Variants in TIPIN observed in about 807,000 individuals in gnomAD.
The protein encoded by TIPIN is TIMELESS interacting protein, also known as TIMELESS-interacting protein.
Under a neutral mutation model 35.6 loss-of-function variants are expected in TIPIN, and 29 were observed. That is an observed-to-expected ratio of 0.82 (90% CI 0.61 to 1.11). The LOEUF (loss-of-function observed/expected upper bound fraction) is 1.11, where lower values mean the gene tolerates loss of function less well. Among genes scored for constraint, TIPIN ranks in the 50% most tolerant of loss-of-function variants. The pLI, the probability that TIPIN is intolerant of heterozygous loss-of-function variation, is 0.00. For synonymous variants in TIPIN, 102 were observed against 121.5 expected (o/e 0.84, Z 1.06); for missense variants, 296 against 345.4 (o/e 0.86, Z 1.13).
At chr15:66,346,952 C>T (rs558972368) in intron 6 of TIPIN, among the ~76,000 whole-genome samples, 4 of 152,086 alleles carry the variant, frequency 2.6e-5, no homozygotes, top group Admixed American at 1.3e-4. Context: ...CCACCACACC[C>T]GGCTAATTTT....
intron 1 of TIPIN, among the ~76,000 whole-genome samples, chr15:66,377,275 T>C (rs932699288): frequency 3.9e-5 from 6 of 152,232 alleles, no homozygotes; most frequent in Non-Finnish European, 8.8e-5. Flanking sequence ...TATGACTTTA[T>C]CTGTGAACTA....
intron 1 of TIPIN, among the ~76,000 whole-genome samples, chr15:66,367,250 A>ATATC (rs1566983221): frequency 1.6e-4 from 13 of 81,186 alleles, no homozygotes; most frequent in South Asian, 1.0e-3. Flanking sequence ...ATATCTATCT[A>ATATC]TATATCTATA....
chr15:66,344,995 C>T (rs1410422602), intron 6 of TIPIN, among the ~76,000 whole-genome samples: 2 of 152,146 alleles, frequency 1.3e-5, no homozygotes, highest in Non-Finnish European at 2.9e-5. Context: ...CAGTGTGTTA[C>T]AGGATGCCGT....
upstream of TIPIN, among the ~76,000 whole-genome samples, chr15:66,358,162 G>GT (rs1041893287): frequency 8.5e-5 from 13 of 152,074 alleles, no homozygotes; most frequent in African/African-American, 3.1e-4. Flanking sequence ...AAATATATTT[G>GT]TATTTGTTTG....
At chr15:66,337,879 CAAAA>C (rs199639209) in intron 7 of TIPIN, among the ~76,000 whole-genome samples, 1 of 144,224 alleles carries the variant, frequency 6.9e-6, no homozygotes. Context: ...CAAAAAAAAA[CAAAA>C]AAAAAGCAAA....
chr15:66,352,978 T>A (rs1369170614), intron 1 of TIPIN, 23 bp from the exon 2 acceptor site: 6 of 1,603,012 alleles, frequency 3.7e-6, no homozygotes, highest in Non-Finnish European at 4.3e-6. Context: ...ATTAAAGTTA[T>A]TTGTATTCAT....
rs537872646 is a variant in TIPIN, at chr15:66,356,656, G to A, written c.-26C>T. 10 of 985,784 alleles carry A rather than the reference G, an allele frequency of 1.0e-5. No individual in the cohort carries two copies. The South Asian group carries it at 1.4e-4, about 14-fold the overall frequency. The allele number at this position is 985,784 out of a possible 1,614,324, so 61.1% of individuals were successfully genotyped here. ...GCTCTCACCTCACGCAGAAAACACG[G>A]GACACAGCGCGGACCTCGGCGTGCA... is the stretch of plus-strand genomic sequence containing the variant. On this transcript the variant is annotated 5_prime_UTR_variant, in exon 1 of 8. Transcript: ENST00000261881.
rs144850879 is a variant in TIPIN, at chr15:66,336,961, T to C, written c.903A>G (p.Arg301=). 6.7e-5 allele frequency: 107 copies of C among 1,608,940 alleles called. No individual in the cohort carries two copies. The highest frequency in any genetic ancestry group is 1.8e-4 in the Middle Eastern group (1 of 5,440). The part of the protein sequence containing the change: ...DATSRNITEA[R] ...TACATTTTCTCTTAATGGAAACTTATCTAGCTTCAGTAATATTTCTGGATG... is the reference window on the plus strand; with the variant it reads ...TACATTTTCTCTTAATGGAAACTTACCTAGCTTCAGTAATATTTCTGGATG... Residue 301 remains arginine, a synonymous_variant, in exon 8 of 8, where the codon AGA becomes AGG. Transcript: ENST00000261881.
chr15:66,342,786 T>C lies in TIPIN; in HGVS notation c.476-1430A>G, dbSNP rs565899412. Reference sequence around the variant, plus strand: ...CAAATTAATTTCTTTTTAAATTCAGTGTGCTCTACATTATAAGTAATACAT... The same window carrying C: ...CAAATTAATTTCTTTTTAAATTCAGCGTGCTCTACATTATAAGTAATACAT... On this transcript the variant is annotated intron_variant, in intron 6 of 7. Coordinates refer to ENST00000261881, the MANE Select transcript of TIPIN (RefSeq NM_017858.3). 3.0e-4 allele frequency among the ~76,000 whole-genome samples: 45 copies of C among 151,244 alleles called. 2 individuals are homozygous for C. The South Asian group carries it at 9.3e-3, about 31-fold the overall frequency.
chr15:66,383,626 A>C (rs1328174388), intron 1 of TIPIN: 1 of 975,800 alleles, frequency 1.0e-6, no homozygotes, highest in Non-Finnish European at 1.2e-6. Context: ...TGCATGTTTA[A>C]CATGAATAAG....
chr15:66,379,724 T>C (rs2093311029), intron 1 of TIPIN: 2 of 1,609,214 alleles, frequency 1.2e-6, no homozygotes, highest in East Asian at 4.5e-5. Flanking sequence ...CCAGTTCTTT[T>C]CTGTTACCCC....
chr15:66,358,770 G>A (rs1181715682), upstream of TIPIN, among the ~76,000 whole-genome samples: 1 of 152,124 alleles, frequency 6.6e-6, no homozygotes, highest in Non-Finnish European at 1.5e-5. Context: ...GAAGCCAGGT[G>A]CAGTGGCTCA....
intron 1 of TIPIN, chr15:66,379,930 C>A: frequency 8.0e-7 from 1 of 1,255,060 alleles, no homozygotes; most frequent in East Asian, 2.4e-5. Context: ...GCAGTACACA[C>A]GGCAAAGGAC....
In TIPIN at chr15:66,352,112, G is replaced by A. The variant is rs1333334870; in HGVS notation, c.212+17C>T. The A allele has an allele frequency of 3.2e-6, 5 of 1,554,656 alleles. No homozygotes were observed. The highest frequency in any genetic ancestry group is 1.9e-5 in the Admixed American group (1 of 53,992). On this transcript the variant is annotated intron_variant, in intron 3 of 7. Transcript: ENST00000261881. Reference sequence around the variant, plus strand: ...AAAAATAAAAAGTATAAATGTATAAGAATATAGTAAATGTACCTCTGAGCA... The same window carrying A: ...AAAAATAAAAAGTATAAATGTATAAAAATATAGTAAATGTACCTCTGAGCA...
chr15:66,366,147 C>T, intron 1 of TIPIN, among the ~76,000 whole-genome samples: 1 of 147,350 alleles, frequency 6.8e-6, no homozygotes, highest in South Asian at 2.1e-4. Flanking sequence ...GAGTTAGAGT[C>T]CCTCCCAAAA....
chr15:66,346,257 CTT>C (rs536484516), intron 6 of TIPIN, among the ~76,000 whole-genome samples: 97 of 130,996 alleles, frequency 7.4e-4, no homozygotes, highest in Admixed American at 1.1e-3. Flanking sequence ...CTTAATTTAT[CTT>C]TTTTTTTTTT....
At chr15:66,372,861 C>A (rs2093282443) in intron 1 of TIPIN, among the ~76,000 whole-genome samples, 1 of 151,952 alleles carries the variant, frequency 6.6e-6, no homozygotes, top group African/African-American at 2.4e-5. Context: ...TGAGATCATG[C>A]CACTGCATTC....
In TIPIN at chr15:66,343,242, TAA is replaced by T. The variant is rs549004530; in HGVS notation, c.476-1888_476-1887del. On this transcript the variant is annotated intron_variant, in intron 6 of 7. Coordinates refer to ENST00000261881, the MANE Select transcript of TIPIN (RefSeq NM_017858.3). ...GTAGAATAGAAGCACAAGCAAAAAA[TAA>T]AAAAAACAGCAGAGCTGACACTTTA... Among the ~76,000 whole-genome samples the T allele has an allele frequency of 7.9e-5, 12 of 151,398 alleles. No homozygotes were observed. In the East Asian group the frequency reaches 2.3e-3, roughly 29 times the overall value.
At chr15:66,339,725 C>T (rs552338241) in intron 7 of TIPIN, among the ~76,000 whole-genome samples, 77 of 152,120 alleles carry the variant, frequency 5.1e-4, no homozygotes, top group African/African-American at 1.7e-3. Flanking sequence ...AGATTGACAA[C>T]GTTTCTAAAA....
Sources: gnomAD v4.1 joint callset for allele counts (sites outside exome capture counted in the v4.1 genomes callset) on GRCh38, gnomAD v4.1.1 for gene constraint, MANE v1.5 for transcripts, NCBI Gene and HGNC (gene_info 2026-07-23, HGNC 2026-07-21) for gene names.